Variants in DNAAF11 observed in about 807,000 individuals in gnomAD.
DNAAF11 encodes leucine rich repeat containing 6.
In DNAAF11, 45 loss-of-function variants were observed where a neutral mutation model predicts 60.8. The ratio of observed to expected loss-of-function variants is 0.74; its 90% CI spans 0.58 to 0.95. The LOEUF is 0.95. DNAAF11 is among the 40% of genes least tolerant of loss of function. DNAAF11 has a pLI of 0.00. For missense variants in DNAAF11, 546 were observed against 546.2 expected (o/e 1.00, Z 0.00); for synonymous variants, 191 against 183.5 (o/e 1.04, Z -0.33).
chr8:132,665,587 T>A (rs983011629), intron 1 of DNAAF11, among the ~76,000 whole-genome samples: 12 of 152,008 alleles, frequency 7.9e-5, no homozygotes, highest in Admixed American at 7.9e-4. Context: ...ATTATGAAAG[T>A]CATAAAATAA....
chr8:132,644,542 C>T (rs2130637190), intron 3 of DNAAF11, among the ~76,000 whole-genome samples: 1 of 152,268 alleles, frequency 6.6e-6, no homozygotes, highest in Non-Finnish European at 1.5e-5. Flanking sequence ...GCCATCACCT[C>T]ACTCAGGAAG....
the DNAAF11 span, among the ~76,000 whole-genome samples, chr8:132,701,778 A>G: frequency 6.6e-6 from 1 of 152,166 alleles, no homozygotes; most frequent in Non-Finnish European, 1.5e-5. Flanking sequence ...CACTTCCCTT[A>G]CAATAAATCA....
chr8:132,626,586 C>A (rs1339648046), intron 5 of DNAAF11, among the ~76,000 whole-genome samples: 2 of 152,074 alleles, frequency 1.3e-5, no homozygotes, highest in East Asian at 3.9e-4. Flanking sequence ...GTGCCAGGCA[C>A]CAGAGATACA....
intron 5 of DNAAF11, 57 bp downstream of exon 5, chr8:132,632,683 T>C (rs1373196409): frequency 3.4e-6 from 4 of 1,182,506 alleles, no homozygotes; most frequent in Admixed American, 1.7e-5. Context: ...GGAAAGAGAA[T>C]ACAGTTTGCT....
chr8:132,599,508 C>T (rs912281520), intron 10 of DNAAF11, among the ~76,000 whole-genome samples: 7 of 152,100 alleles, frequency 4.6e-5, no homozygotes, highest in African/African-American at 1.2e-4. Flanking sequence ...TGATGAACAT[C>T]GGTGCAAAAA....
At chr8:132,649,172 A>C (rs1477923869) in intron 3 of DNAAF11, among the ~76,000 whole-genome samples, 1 of 152,212 alleles carries the variant, frequency 6.6e-6, no homozygotes, top group Non-Finnish European at 1.5e-5. Context: ...AAACAGAGAT[A>C]TAGACCAATG....
chr8:132,601,574 C>T (rs981432958), intron 10 of DNAAF11, among the ~76,000 whole-genome samples: 6 of 152,184 alleles, frequency 3.9e-5, no homozygotes, highest in African/African-American at 4.8e-5. Flanking sequence ...ACATATACAC[C>T]ATGGAATACT....
At chr8:132,694,465 C>T in the DNAAF11 span, among the ~76,000 whole-genome samples, 1 of 152,180 alleles carries the variant, frequency 6.6e-6, no homozygotes, top group East Asian at 1.9e-4. Context: ...GAAACCAACC[C>T]TGCCAACACC....
At chr8:132,627,677 G>C (rs1228880616) in intron 5 of DNAAF11, among the ~76,000 whole-genome samples, 1 of 152,134 alleles carries the variant, frequency 6.6e-6, no homozygotes, top group African/African-American at 2.4e-5. Context: ...CGGGAAGAGG[G>C]ACACCCTCTC....
At chr8:132,616,570 G>A (rs909549980) in intron 7 of DNAAF11, among the ~76,000 whole-genome samples, 1 of 152,156 alleles carries the variant, frequency 6.6e-6, no homozygotes, top group African/African-American at 2.4e-5. Flanking sequence ...AGGGGTGAAT[G>A]TGTGTTACTG....
intron 11 of DNAAF11, among the ~76,000 whole-genome samples, chr8:132,581,083 C>T (rs1265693282): frequency 1.3e-5 from 2 of 152,130 alleles, no homozygotes; most frequent in Non-Finnish European, 2.9e-5. Context: ...AACACAGGGA[C>T]AGTAGGGTGC....
Position 132,625,162 on chromosome 8 carries a change from T to C in DNAAF11, c.836+110A>G, listed in dbSNP as rs1400684496. On this transcript the variant is annotated intron_variant, in intron 6 of 11. Transcript: ENST00000620350. The stretch of plus-strand genomic sequence containing the variant: ...CTATACTTAGAAAAAACAAAATCTA[T>C]ATACAAGTGCTAAAGGTTTAACACA... 4 of 752,268 alleles carry C rather than the reference T, an allele frequency of 5.3e-6. No homozygotes were observed. In the East Asian group the frequency reaches 8.6e-5, roughly 16 times the overall value. 46.6% of individuals were successfully genotyped at this position (752,268 alleles called of 1,614,324 possible). A position where few individuals can be genotyped will look rare whatever the true frequency, so the allele number is the denominator to read the frequency against.
intron 5 of DNAAF11, among the ~76,000 whole-genome samples, chr8:132,629,991 A>C (rs1820644869): frequency 6.6e-6 from 1 of 152,246 alleles, no homozygotes; most frequent in Non-Finnish European, 1.5e-5. Context: ...AGGACTCAGA[A>C]GAAGATCTAA....
chr8:132,636,808 CT>C (rs1420436727), intron 4 of DNAAF11, among the ~76,000 whole-genome samples: 1 of 152,200 alleles, frequency 6.6e-6, no homozygotes. Context: ...TATTCAATTA[CT>C]TGAATCACTC....
intron 10 of DNAAF11, among the ~76,000 whole-genome samples, chr8:132,587,154 G>A (rs112728977): frequency 6.6e-6 from 1 of 152,150 alleles, no homozygotes; most frequent in African/African-American, 2.4e-5. Context: ...CACATAATAA[G>A]CACAAAGACT....
chr8:132,605,615 A>T (rs1818048437), intron 10 of DNAAF11, among the ~76,000 whole-genome samples: 1 of 152,216 alleles, frequency 6.6e-6, no homozygotes, highest in Admixed American at 6.5e-5. Flanking sequence ...TGGGGAAAAT[A>T]GAAAAAGAAA....
At chr8:132,602,611 A>G (rs1564006259) in intron 10 of DNAAF11, among the ~76,000 whole-genome samples, 1 of 151,924 alleles carries the variant, frequency 6.6e-6, no homozygotes, top group Non-Finnish European at 1.5e-5. Flanking sequence ...TGGGACCCTC[A>G]AGGTTGCCCT....
the DNAAF11 span, among the ~76,000 whole-genome samples, chr8:132,682,292 G>A: frequency 1.2e-4 from 19 of 152,138 alleles, no homozygotes; most frequent in South Asian, 4.1e-4. Flanking sequence ...TGAGGCCGCC[G>A]TGCTGGAGAA....
At chr8:132,684,712 G>C in the DNAAF11 span, among the ~76,000 whole-genome samples, 1 of 152,162 alleles carries the variant, frequency 6.6e-6, no homozygotes, top group Non-Finnish European at 1.5e-5. Flanking sequence ...TTTGGTCAAG[G>C]ACAAATTCTT....
Sources: gnomAD v4.1 joint callset for allele counts (sites outside exome capture counted in the v4.1 genomes callset) on GRCh38, gnomAD v4.1.1 for gene constraint, MANE v1.5 for transcripts, NCBI Gene and HGNC (gene_info 2026-07-23, HGNC 2026-07-21) for gene names.